Variants in LEF1 observed in about 807,000 individuals in gnomAD.
LEF1 encodes lymphoid enhancer-binding factor 1.
LEF1 carries 14 observed loss-of-function variants against 51.2 expected under a neutral mutation model. The ratio of observed to expected loss-of-function variants is 0.27; its 90% CI spans 0.18 to 0.43. LEF1 has a LOEUF of 0.43. Ranked by LOEUF, LEF1 falls within the 20% of genes least tolerant of loss-of-function variation. The pLI, the probability that LEF1 is intolerant of heterozygous loss-of-function variation, is 1.00. For missense variants in LEF1, 386 were observed against 512.0 expected, an observed-to-expected ratio of 0.75 and a Z score of 2.37; for synonymous variants, 185 against 183.2, an observed-to-expected ratio of 1.01 and a Z score of -0.08.
chr4:108,092,309 GT>G (rs1485667222), intron 3 of LEF1, among the ~76,000 whole-genome samples: 1 of 152,172 alleles, frequency 6.6e-6, no homozygotes, highest in Non-Finnish European at 1.5e-5. Flanking sequence ...GTCCATTTTT[GT>G]GGCCAAATAA....
At chr4:108,144,218 A>G (rs78705217) in intron 3 of LEF1, among the ~76,000 whole-genome samples, 2,823 of 152,286 alleles carry the variant, frequency 0.019, 80 homozygotes, top group African/African-American at 0.065. Flanking sequence ...TTGATAAACC[A>G]TTCCAATGTT....
At chr4:108,145,942 T>C (rs1247754804) in intron 3 of LEF1, among the ~76,000 whole-genome samples, 4 of 152,194 alleles carry the variant, frequency 2.6e-5, no homozygotes, top group Non-Finnish European at 4.4e-5. Context: ...GCACTAACTA[T>C]GTGAATATAC....
At chr4:108,136,926 GA>G (rs1208732092) in intron 3 of LEF1, among the ~76,000 whole-genome samples, 2 of 152,092 alleles carry the variant, frequency 1.3e-5, no homozygotes, top group African/African-American at 4.8e-5. Flanking sequence ...AAAATTCTGA[GA>G]GGTTGTCTGG....
chr4:108,103,110 T>A (rs559194596), intron 3 of LEF1, among the ~76,000 whole-genome samples: 1 of 152,238 alleles, frequency 6.6e-6, no homozygotes, highest in Non-Finnish European at 1.5e-5. Context: ...AAAGTTGACC[T>A]AGAGTGGGCC....
At chr4:108,059,085 T>C (rs775255565) in intron 11 of LEF1, among the ~76,000 whole-genome samples, 1 of 152,212 alleles carries the variant, frequency 6.6e-6, no homozygotes, top group Non-Finnish European at 1.5e-5. Context: ...CCTAAAAGTT[T>C]CCCCACAGTG....
chr4:108,063,051 T>C (rs1737805251), intron 11 of LEF1, among the ~76,000 whole-genome samples: 1 of 152,080 alleles, frequency 6.6e-6, no homozygotes, highest in Admixed American at 6.5e-5. Flanking sequence ...TAGTTACCAA[T>C]AAAGAGAAAT....
chr4:108,047,558 T>A lies in LEF1; in HGVS notation c.*1200A>T, dbSNP rs1027976896. 2.0e-5 allele frequency: 3 copies of A among 152,256 alleles called. No homozygotes were observed. Among genetic ancestry groups the A allele is most frequent in the African/African-American group, 4.8e-5 (2 of 41,472 alleles). 9.4% of individuals were successfully genotyped at this position (152,256 alleles called of 1,614,324 possible). A position where few individuals can be genotyped will look rare whatever the true frequency, so the allele number is the denominator to read the frequency against. Reference sequence around the variant, plus strand: ...TCACTCTTAATAAAATGACAATTTTTAAAAATGTTTTATTACAAAGCTTCT... The same window carrying A: ...TCACTCTTAATAAAATGACAATTTTAAAAAATGTTTTATTACAAAGCTTCT... On this transcript the variant is annotated 3_prime_UTR_variant, in exon 12 of 12. Coordinates refer to ENST00000265165, the MANE Select transcript of LEF1 (RefSeq NM_016269.5).
At chr4:108,083,881 T>C (rs535155365) in intron 4 of LEF1, among the ~76,000 whole-genome samples, 2 of 152,336 alleles carry the variant, frequency 1.3e-5, no homozygotes, top group South Asian at 4.1e-4. Context: ...ATATTTTCAT[T>C]GGTTCCCTTA....
chr4:108,099,967 A>G (rs1740702645), intron 3 of LEF1, among the ~76,000 whole-genome samples: 1 of 152,142 alleles, frequency 6.6e-6, no homozygotes, highest in Non-Finnish European at 1.5e-5. Flanking sequence ...ATTACAAGTT[A>G]CTGATGAACT....
chr4:108,075,642 C>T (rs1029169547), intron 8 of LEF1, among the ~76,000 whole-genome samples: 1 of 152,218 alleles, frequency 6.6e-6, no homozygotes, highest in African/African-American at 2.4e-5. Flanking sequence ...TTTCTTACCA[C>T]TCTTCAGCCA....
intron 6 of LEF1, among the ~76,000 whole-genome samples, chr4:108,081,324 T>G (rs184542486): frequency 2.0e-4 from 30 of 152,022 alleles, no homozygotes; most frequent in Non-Finnish European, 1.5e-4. Flanking sequence ...CAGGCGGCCA[T>G]GAATTTGTTT....
chr4:108,080,792 C>T (rs1739232685), intron 6 of LEF1, among the ~76,000 whole-genome samples: 1 of 152,142 alleles, frequency 6.6e-6, no homozygotes, highest in African/African-American at 2.4e-5. Flanking sequence ...ATACTATACC[C>T]ATATAAAAAA....
intron 3 of LEF1, among the ~76,000 whole-genome samples, chr4:108,158,625 C>T (rs1271159311): frequency 6.6e-6 from 1 of 151,456 alleles, no homozygotes; most frequent in Non-Finnish European, 1.5e-5. Flanking sequence ...GTCTATGATA[C>T]ATAAATGAGG....
chr4:108,068,429 A>C (rs1302585004), intron 9 of LEF1, among the ~76,000 whole-genome samples: 1 of 152,176 alleles, frequency 6.6e-6, no homozygotes, highest in Non-Finnish European at 1.5e-5. Context: ...AAATTACCTA[A>C]ACTCTTCAGC....
intron 3 of LEF1, among the ~76,000 whole-genome samples, chr4:108,133,592 G>A (rs1007692908): frequency 2.0e-5 from 3 of 152,106 alleles, no homozygotes; most frequent in Non-Finnish European, 4.4e-5. Context: ...TTGCTGTGTT[G>A]TCCAAACTGG....
intron 6 of LEF1, among the ~76,000 whole-genome samples, chr4:108,081,265 C>T (rs1739279441): frequency 6.6e-6 from 1 of 152,164 alleles, no homozygotes; most frequent in Admixed American, 6.5e-5. Flanking sequence ...TTGAATCAAA[C>T]AAACTCTTCT....
At chr4:108,070,598 C>T (rs1738409403) in intron 9 of LEF1, 65 bp downstream of exon 9, 1 of 1,088,648 alleles carries the variant, frequency 9.2e-7, no homozygotes, top group South Asian at 1.3e-5. Flanking sequence ...AACACATTTC[C>T]TTCTTGAACG....
chr4:108,105,089 T>G (rs1301941432), intron 3 of LEF1, among the ~76,000 whole-genome samples: 5 of 152,192 alleles, frequency 3.3e-5, no homozygotes, highest in African/African-American at 1.2e-4. Context: ...ACGATACATA[T>G]TTAACCCTCA....
At chr4:108,132,694 G>T (rs1412310531) in intron 3 of LEF1, among the ~76,000 whole-genome samples, 5 of 63,678 alleles carry the variant, frequency 7.9e-5, no homozygotes, top group South Asian at 6.9e-4. Context: ...TTGAGGCAGG[G>T]TCTTGCTCTG....
Sources: gnomAD v4.1 joint callset for allele counts (sites outside exome capture counted in the v4.1 genomes callset) on GRCh38, gnomAD v4.1.1 for gene constraint, MANE v1.5 for transcripts, NCBI Gene and HGNC (gene_info 2026-07-23, HGNC 2026-07-21) for gene names.